Variants in MROH9 observed in about 807,000 individuals in gnomAD.
The protein encoded by MROH9 is maestro heat like repeat family member 9.
MROH9 carries 92 observed loss-of-function variants against 98.2 expected under a neutral mutation model. The observed-to-expected ratio is 0.94, with a 90% CI of 0.79 to 1.11. The LOEUF is 1.11. Among genes scored for constraint, MROH9 ranks in the 50% most tolerant of loss-of-function variants. The pLI is 0.00. For missense variants in MROH9, 1,057 were observed against 1,014.8 expected, an observed-to-expected ratio of 1.04 and a Z score of -0.57; for synonymous variants, 397 against 368.9, an observed-to-expected ratio of 1.08 and a Z score of -0.87.
At chr1:171,005,989 A>G (rs573019037) in intron 15 of MROH9, among the ~76,000 whole-genome samples, 4 of 152,344 alleles carry the variant, frequency 2.6e-5, no homozygotes, top group Admixed American at 1.3e-4. Context: ...AAAATATTCT[A>G]ATTTTGACTA....
chr1:171,021,002 C>G (rs1305374368), intron 17 of MROH9, among the ~76,000 whole-genome samples: 1 of 152,172 alleles, frequency 6.6e-6, no homozygotes, highest in Non-Finnish European at 1.5e-5. Flanking sequence ...AATGAACACT[C>G]ATTCGCAATT....
chr1:171,000,980 T>G, intron 15 of MROH9, among the ~76,000 whole-genome samples: 1 of 152,086 alleles, frequency 6.6e-6, no homozygotes, highest in East Asian at 1.9e-4. Flanking sequence ...AGTTGCATTT[T>G]TCCAGGAATT....
intron 17 of MROH9, among the ~76,000 whole-genome samples, chr1:171,019,794 C>T (rs1215711802): frequency 1.3e-5 from 2 of 151,868 alleles, no homozygotes; most frequent in Non-Finnish European, 2.9e-5. Flanking sequence ...GAAGTAAAGA[C>T]ACAAAAAACT....
At chr1:171,005,725 C>G (rs1164734135) in intron 15 of MROH9, among the ~76,000 whole-genome samples, 1 of 152,064 alleles carries the variant, frequency 6.6e-6, no homozygotes, top group Non-Finnish European at 1.5e-5. Flanking sequence ...AAAGACAGAA[C>G]ATTTTACTTC....
At chr1:170,948,264 T>C (rs2101874438) in intron 3 of MROH9, among the ~76,000 whole-genome samples, 1 of 152,152 alleles carries the variant, frequency 6.6e-6, no homozygotes, top group African/African-American at 2.4e-5. Flanking sequence ...AAATATGTAA[T>C]CTTCTACCTT....
intron 20 of MROH9, among the ~76,000 whole-genome samples, chr1:171,041,953 G>A (rs1653320928): frequency 6.6e-6 from 1 of 151,756 alleles, no homozygotes; most frequent in South Asian, 2.1e-4. Flanking sequence ...TGGAAAATGG[G>A]GTATTCATCC....
chr1:171,038,686 T>C (rs1237747286), intron 20 of MROH9, among the ~76,000 whole-genome samples: 1 of 152,198 alleles, frequency 6.6e-6, no homozygotes, highest in Non-Finnish European at 1.5e-5. Flanking sequence ...ACAAAAGATG[T>C]GCTTTCCAAC....
intron 20 of MROH9, among the ~76,000 whole-genome samples, chr1:171,058,410 T>C (rs186395038): frequency 4.1e-5 from 6 of 147,334 alleles, no homozygotes; most frequent in African/African-American, 7.6e-5. Context: ...ATCGTGAAAA[T>C]GGCCATACTG....
intron 20 of MROH9, among the ~76,000 whole-genome samples, chr1:171,032,900 G>C (rs1383022335): frequency 6.6e-6 from 1 of 152,258 alleles, no homozygotes; most frequent in Non-Finnish European, 1.5e-5. Flanking sequence ...CTGGTCTGCA[G>C]AGACTGTGGC....
chr1:171,026,808 T>C (rs538879627), intron 20 of MROH9, among the ~76,000 whole-genome samples: 1 of 152,248 alleles, frequency 6.6e-6, no homozygotes, highest in South Asian at 2.1e-4. Context: ...TTATGATAAA[T>C]ATTTCCATGA....
chr1:170,976,268 T>C (rs1650682728), intron 8 of MROH9, among the ~76,000 whole-genome samples: 1 of 152,220 alleles, frequency 6.6e-6, no homozygotes, highest in Admixed American at 6.5e-5. Flanking sequence ...CAGTGTATTT[T>C]TGCTGTGACT....
chr1:170,963,946 TAA>T (rs1214136604), intron 6 of MROH9, among the ~76,000 whole-genome samples: 1 of 152,066 alleles, frequency 6.6e-6, no homozygotes, highest in Non-Finnish European at 1.5e-5. Flanking sequence ...GAACTTAAAA[TAA>T]AAGTTAAAAA....
chr1:171,032,097 G>A (rs1296468704), intron 20 of MROH9, among the ~76,000 whole-genome samples: 6 of 151,990 alleles, frequency 3.9e-5, no homozygotes, highest in South Asian at 2.1e-4. Context: ...TATGTTTTAC[G>A]AACTTCTCGT....
chr1:171,018,029 C>G (rs553637941), intron 17 of MROH9, among the ~76,000 whole-genome samples: 2 of 152,290 alleles, frequency 1.3e-5, no homozygotes, highest in East Asian at 3.9e-4. Context: ...AAGCACACCC[C>G]CTCCACCAAG....
chr1:171,020,388 A>G (rs1652478056), intron 17 of MROH9, among the ~76,000 whole-genome samples: 1 of 152,226 alleles, frequency 6.6e-6, no homozygotes, highest in Non-Finnish European at 1.5e-5. Flanking sequence ...AAACAAATCC[A>G]GCAGCACATT....
At chr1:171,004,628 C>A (rs181110700) in intron 15 of MROH9, among the ~76,000 whole-genome samples, 2 of 152,178 alleles carry the variant, frequency 1.3e-5, no homozygotes, top group Non-Finnish European at 2.9e-5. Flanking sequence ...CCTGCAGGAG[C>A]TTCCACTTCC....
rs11452080 is a variant in MROH9, at chr1:171,006,821, A to ATT, written c.1597-7287_1597-7286dup. Reference sequence around the variant, plus strand: ...TCAGCTCCAGGGTTTCTGTTTTGTTATTTTTTTTTTAATTAAGTGTCTCTT... The same window carrying ATT: ...TCAGCTCCAGGGTTTCTGTTTTGTTATTTTTTTTTTTTAATTAAGTGTCTCTT... On this transcript the variant is annotated intron_variant, in intron 15 of 21. Coordinates refer to ENST00000367759, the MANE Select transcript of MROH9 (RefSeq NM_001163629.2). 3.5e-3 allele frequency among the ~76,000 whole-genome samples: 518 copies of ATT among 148,180 alleles called. 1 individual carries two copies. Among genetic ancestry groups the ATT allele is most frequent in the Non-Finnish European group, 5.6e-3 (371 of 66,812 alleles).
chr1:171,043,144 A>T (rs1259959848), intron 20 of MROH9, among the ~76,000 whole-genome samples: 1 of 152,150 alleles, frequency 6.6e-6, no homozygotes, highest in Non-Finnish European at 1.5e-5. Context: ...CCTTTAATCC[A>T]TTTTGGCTTG....
chr1:171,027,398 G>C (rs1229253540), intron 20 of MROH9, among the ~76,000 whole-genome samples: 1 of 152,084 alleles, frequency 6.6e-6, no homozygotes, highest in Non-Finnish European at 1.5e-5. Context: ...TCTTCTTTAT[G>C]GCTGCATAAT....
Sources: allele counts gnomAD v4.1 joint callset (sites outside exome capture counted in the v4.1 genomes callset), GRCh38; gene constraint gnomAD v4.1.1; transcripts MANE v1.5; gene names NCBI Gene and HGNC (gene_info 2026-07-23, HGNC 2026-07-21).